Variants in LUC7L2 observed in about 807,000 individuals in gnomAD.
The protein encoded by LUC7L2 is putative RNA-binding protein Luc7-like 2.
A neutral mutation model predicts 52.8 loss-of-function variants in LUC7L2; 25 were observed. That is an observed-to-expected ratio of 0.47 (90% CI 0.34 to 0.66). LUC7L2 has a LOEUF of 0.66. Ranked by LOEUF, LUC7L2 falls within the 30% of genes least tolerant of loss-of-function variation. The pLI is 0.01. For missense variants in LUC7L2, 328 were observed against 497.8 expected, an observed-to-expected ratio of 0.66 and a Z score of 3.25; for synonymous variants, 144 against 160.9, an observed-to-expected ratio of 0.89 and a Z score of 0.80.
chr7:139,351,247 T>C (rs1437199062), intron 1 of LUC7L2, among the ~76,000 whole-genome samples: 1 of 152,188 alleles, frequency 6.6e-6, no homozygotes, highest in African/African-American at 2.4e-5. Flanking sequence ...TCAAATTCAA[T>C]GTGTGCGAAA....
chr7:139,412,215 A>AT (rs915001798), intron 7 of LUC7L2, among the ~76,000 whole-genome samples: 4 of 151,258 alleles, frequency 2.6e-5, no homozygotes, highest in African/African-American at 9.7e-5. Context: ...AAATGTAAAA[A>AT]TTAAAAAAAA....
chr7:139,341,951 T>C (rs1460808259), intron 1 of LUC7L2, among the ~76,000 whole-genome samples: 12 of 152,164 alleles, frequency 7.9e-5, no homozygotes, highest in Admixed American at 7.2e-4. Context: ...CCTAGAAAAG[T>C]TATTCTAAGA....
intron 2 of LUC7L2, among the ~76,000 whole-genome samples, chr7:139,383,244 T>C (rs1223353668): frequency 1.3e-5 from 2 of 152,104 alleles, no homozygotes; most frequent in African/African-American, 4.8e-5. Flanking sequence ...GCCTCCCAAG[T>C]AGCTGGGATT....
chr7:139,419,122 A>AAAAC (rs1227439868), intron 9 of LUC7L2, among the ~76,000 whole-genome samples: 5 of 151,034 alleles, frequency 3.3e-5, no homozygotes, highest in South Asian at 4.2e-4. Flanking sequence ...AAAACAAAAA[A>AAAAC]AAACAAACAA....
chr7:139,418,930 C>T (rs1385253462), intron 9 of LUC7L2, among the ~76,000 whole-genome samples: 2 of 151,948 alleles, frequency 1.3e-5, no homozygotes, highest in Non-Finnish European at 2.9e-5. Flanking sequence ...CCAGCCTGGC[C>T]AACCAACCCC....
chr7:139,351,779 C>A (rs1165120119), intron 1 of LUC7L2, among the ~76,000 whole-genome samples: 4 of 152,226 alleles, frequency 2.6e-5, no homozygotes, highest in African/African-American at 9.6e-5. Context: ...ATCATACTCC[C>A]CTTCAATAGC....
intron 1 of LUC7L2, among the ~76,000 whole-genome samples, chr7:139,350,144 C>T (rs1477028467): frequency 2.6e-5 from 4 of 151,622 alleles, no homozygotes; most frequent in East Asian, 3.9e-4. Context: ...TTTTTTGAGA[C>T]GGAGTCTCGC....
At chr7:139,369,200 C>T (rs1800317566) in intron 1 of LUC7L2, among the ~76,000 whole-genome samples, 1 of 152,160 alleles carries the variant, frequency 6.6e-6, no homozygotes, top group Admixed American at 6.5e-5. Flanking sequence ...TGATAGAAGG[C>T]ACCGGCTATC....
intron 1 of LUC7L2, among the ~76,000 whole-genome samples, chr7:139,370,026 A>G (rs1162761406): frequency 2.6e-5 from 4 of 152,240 alleles, no homozygotes; most frequent in Non-Finnish European, 5.9e-5. Context: ...TCTTTGGCAT[A>G]GTACTCTTTC....
intron 1 of LUC7L2, among the ~76,000 whole-genome samples, chr7:139,353,374 T>C (rs187370254): frequency 3.3e-5 from 5 of 152,362 alleles, no homozygotes; most frequent in African/African-American, 1.2e-4. Context: ...GTACCTATTC[T>C]GTTTTAATTA....
At chr7:139,375,889 T>C in intron 1 of LUC7L2, 173 bp from the exon 2 acceptor site, 1 of 616,442 alleles carries the variant, frequency 1.6e-6, no homozygotes, top group Non-Finnish European at 2.7e-6. Flanking sequence ...TTACTGCAAC[T>C]GCATGTTGTC....
intron 8 of LUC7L2, among the ~76,000 whole-genome samples, chr7:139,414,777 C>A (rs1795514973): frequency 6.6e-6 from 1 of 152,196 alleles, no homozygotes; most frequent in Non-Finnish European, 1.5e-5. Context: ...TTCACTTGTT[C>A]CCTTTCTTCT....
chr7:139,341,040 AC>A (rs904610682), intron 1 of LUC7L2: 3 of 226,246 alleles, frequency 1.3e-5, no homozygotes, highest in Non-Finnish European at 1.7e-5. Flanking sequence ...CCACACCCAC[AC>A]CCCCCGCCGG....
intron 2 of LUC7L2, among the ~76,000 whole-genome samples, chr7:139,388,134 A>G (rs535273542): frequency 6.6e-6 from 1 of 152,218 alleles, no homozygotes; most frequent in Non-Finnish European, 1.5e-5. Context: ...TTTCTGTACT[A>G]TTGAAAAAAA....
chr7:139,388,894 A>C lies in LUC7L2; in HGVS notation c.157-9705A>C, dbSNP rs191275693. Among the ~76,000 whole-genome samples, 5 of 152,212 alleles carry C rather than the reference A, an allele frequency of 3.3e-5. No homozygotes were observed. In the East Asian group the frequency reaches 9.6e-4, roughly 29 times the overall value. On this transcript the variant is annotated intron_variant, in intron 2 of 9. Coordinates refer to ENST00000354926, the MANE Select transcript of LUC7L2 (RefSeq NM_016019.5). The stretch of plus-strand genomic sequence containing the variant: ...TGAAAGTTATTGTGTTATTGAAAGA[A>C]TATTGAGCTATATTAAAGACCTGTT...
At chr7:139,389,136 T>C (rs776278753) in intron 2 of LUC7L2, among the ~76,000 whole-genome samples, 9 of 152,092 alleles carry the variant, frequency 5.9e-5, no homozygotes, top group Non-Finnish European at 1.3e-4. Flanking sequence ...CCCCAGTGGC[T>C]TTATTCCTAG....
At chr7:139,366,675 C>T (rs576667660) in intron 1 of LUC7L2, among the ~76,000 whole-genome samples, 26 of 152,264 alleles carry the variant, frequency 1.7e-4, no homozygotes, top group Admixed American at 5.2e-4. Context: ...GCCCGCAAAC[C>T]GAAAACATTT....
At chr7:139,375,095 T>C (rs919740435) in intron 1 of LUC7L2, 13 of 984,290 alleles carry the variant, frequency 1.3e-5, no homozygotes, top group Middle Eastern at 5.2e-4. Flanking sequence ...TCATTCTATA[T>C]AGAAAGAGGA....
chr7:139,397,033 A>G (rs1337517288), intron 2 of LUC7L2, among the ~76,000 whole-genome samples: 1 of 152,138 alleles, frequency 6.6e-6, no homozygotes, highest in Non-Finnish European at 1.5e-5. Context: ...TTTGTTTTAT[A>G]CATATTTAGG....
Sources: allele counts gnomAD v4.1 joint callset (sites outside exome capture counted in the v4.1 genomes callset), GRCh38; gene constraint gnomAD v4.1.1; transcripts MANE v1.5; gene names NCBI Gene and HGNC (gene_info 2026-07-23, HGNC 2026-07-21).